The following ZNF121 variants were observed in gnomAD, a reference collection of about 807,000 sequenced individuals.
ZNF121 encodes zinc finger protein 121 (clone ZHC32).
ZNF121 carries 1 observed loss-of-function variant against 2.4 expected under a neutral mutation model. The ratio of observed to expected loss-of-function variants is 0.41; its 90% CI spans 0.15 to 1.94. The LOEUF (loss-of-function observed/expected upper bound fraction) is 1.94. ZNF121 is among the 30% of genes most tolerant of loss of function. The probability of loss-of-function intolerance (pLI) is 0.30; values close to 1 mark genes in which losing one functional copy is unlikely to be tolerated. For synonymous variants in ZNF121, 173 were observed against 158.6 expected (o/e 1.09, Z -0.68); for missense variants, 369 against 466.3 (o/e 0.79, Z 1.92).
In ZNF121 at chr19:9,561,222, T is replaced by C. The variant is rs1326579243; in HGVS notation, c.*4718A>G. ...AGAAGACCTAAAAGCCAGGGCACTA[T>C]TACCTAGGAACACCTCCCTACACAG... On this transcript the variant is annotated 3_prime_UTR_variant, in exon 4 of 4. Transcript: ENST00000320451. 5.3e-5 allele frequency: 8 copies of C among 152,154 alleles called. No homozygotes were observed. Among genetic ancestry groups the C allele is most frequent in the Non-Finnish European group, 8.8e-5 (6 of 68,014 alleles). 9.4% of individuals were successfully genotyped at this position (152,154 alleles called of 1,614,324 possible).
Position 9,565,373 on chromosome 19 carries a change from A to AAAAAC in ZNF121, c.*566_*567insGTTTT. On this transcript the variant is annotated 3_prime_UTR_variant, in exon 4 of 4. Coordinates refer to ENST00000320451, the MANE Select transcript of ZNF121 (RefSeq NM_001008727.5). ...ACTTACAAAAAAAAAAAAAAAAAAAAAAAAAAAAAAAAAAGGCCAGGAGCA... is the reference window on the plus strand; with the variant it reads ...ACTTACAAAAAAAAAAAAAAAAAAAAAAAACAAAAAAAAAAAAAAGGCCAGGAGCA... 7.0e-6 allele frequency: 1 copy of AAAAAC among 142,506 alleles called. No homozygotes were observed. The highest frequency in any genetic ancestry group is 1.5e-5 in the Non-Finnish European group (1 of 66,596). The allele number at this position is 142,506 out of a possible 1,614,324, so 8.8% of individuals were successfully genotyped here.
chr19:9,571,389 A>C (rs1402935484), intron 1 of ZNF121, among the ~76,000 whole-genome samples: 1 of 152,238 alleles, frequency 6.6e-6, no homozygotes, highest in Non-Finnish European at 1.5e-5. Context: ...CCTGTCACTC[A>C]ATTACCACAC....
At chr19:9,582,732 G>A (rs139653243) in intron 1 of ZNF121, among the ~76,000 whole-genome samples, 2 of 145,152 alleles carry the variant, frequency 1.4e-5, no homozygotes, top group South Asian at 2.2e-4. Flanking sequence ...CCGGGTAGCA[G>A]AGCGAGACTC....
intron 3 of ZNF121, chr19:9,567,505 G>T: frequency 4.4e-6 from 1 of 226,038 alleles, no homozygotes; most frequent in Non-Finnish European, 9.0e-6. Flanking sequence ...TGATTTCGTA[G>T]ATGACAATTT....
intron 1 of ZNF121, 109 bp downstream of exon 1, chr19:9,584,352 G>A (rs1307329075): frequency 6.6e-6 from 1 of 152,278 alleles, no homozygotes; most frequent in African/African-American, 2.4e-5. Flanking sequence ...ACAGCCCCTG[G>A]AGAAGAGAGT....
chr19:9,578,874 A>G (rs2074229730), intron 1 of ZNF121, among the ~76,000 whole-genome samples: 1 of 151,662 alleles, frequency 6.6e-6, no homozygotes, highest in African/African-American at 2.4e-5. Flanking sequence ...CAGCAAAACA[A>G]TCAACAAACT....
intron 3 of ZNF121, chr19:9,567,893 G>A (rs73923637): frequency 0.011 from 5,595 of 497,230 alleles, 240 homozygotes; most frequent in African/African-American, 0.096. Flanking sequence ...ATGAAGTTTC[G>A]TTCATCTGCC....
chr19:9,582,522 C>G (rs536074495), intron 1 of ZNF121, among the ~76,000 whole-genome samples: 1 of 152,010 alleles, frequency 6.6e-6, no homozygotes, highest in South Asian at 2.1e-4. Flanking sequence ...TAAAACTGCC[C>G]GACCCCTATC....
chr19:9,564,469 G>T lies in ZNF121; in HGVS notation c.*1471C>A, dbSNP rs1387276579. The T allele has an allele frequency of 6.6e-6, 1 of 152,114 alleles. No homozygotes were observed. The highest frequency in any genetic ancestry group is 1.5e-5 in the Non-Finnish European group (1 of 68,030). The allele number at this position is 152,114 out of a possible 1,614,324, so 9.4% of individuals were successfully genotyped here. A position where few individuals can be genotyped will look rare whatever the true frequency, so the allele number is the denominator to read the frequency against. ...CCAACCTTCATAGGTGACTCTGAGGGGTTCAAGTCTTCAGTGGAAAAAGTA... is the reference window on the plus strand; with the variant it reads ...CCAACCTTCATAGGTGACTCTGAGGTGTTCAAGTCTTCAGTGGAAAAAGTA... On this transcript the variant is annotated 3_prime_UTR_variant, in exon 4 of 4. Coordinates refer to ENST00000320451, the MANE Select transcript of ZNF121 (RefSeq NM_001008727.5).
At chr19:9,583,130 T>A (rs929395382) in intron 1 of ZNF121, among the ~76,000 whole-genome samples, 22 of 149,156 alleles carry the variant, frequency 1.5e-4, no homozygotes, top group African/African-American at 5.4e-4. Flanking sequence ...GGCAGGAGAA[T>A]CACTTGAACC....
rs1369472195 is a variant in ZNF121, at chr19:9,565,387, A to AAAAAAAAAAT, written c.*552_*553insATTTTTTTTT. On this transcript the variant is annotated 3_prime_UTR_variant, in exon 4 of 4. Coordinates refer to ENST00000320451, the MANE Select transcript of ZNF121 (RefSeq NM_001008727.5). ...AAAAAAAAAAAAAAAAAAAAAAAAA[A>AAAAAAAAAAT]GGCCAGGAGCAGTGGCTCACTCCTA... The AAAAAAAAAAT allele has an allele frequency of 1.6e-4, 23 of 139,770 alleles. No homozygotes were observed. The highest frequency in any genetic ancestry group is 2.8e-4 in the Non-Finnish European group (18 of 64,952). The allele number at this position is 139,770 out of a possible 1,614,324, so 8.7% of individuals were successfully genotyped here. A position where few individuals can be genotyped will look rare whatever the true frequency, so the allele number is the denominator to read the frequency against.
intron 1 of ZNF121, among the ~76,000 whole-genome samples, chr19:9,570,155 G>A (rs1404444642): frequency 3.9e-5 from 6 of 152,036 alleles, no homozygotes; most frequent in Non-Finnish European, 7.4e-5. Flanking sequence ...GCAGTGAGCC[G>A]AGATCATGCC....
At position 9,562,161 on chromosome 19, in the gene ZNF121, A is replaced by AGTTT. The variant is rs762093953; in HGVS notation, c.*3778_*3779insAAAC. 9.3e-6 allele frequency: 1 copy of AGTTT among 108,078 alleles called. No individual in the cohort carries two copies. The highest frequency in any genetic ancestry group is 3.5e-5 in the African/African-American group (1 of 28,200). 6.7% of individuals were successfully genotyped at this position (108,078 alleles called of 1,614,324 possible). On this transcript the variant is annotated 3_prime_UTR_variant, in exon 4 of 4. Transcript: ENST00000320451. ...ATTATACTTACTGTGGTGCTGTGTG[A>AGTTT]TTTTTTTTTTTTTTTTTTTTTGAGA...
chr19:9,567,069 T>G lies in ZNF121; in HGVS notation c.44A>C (p.Glu15Ala). 1 of 1,613,812 alleles carries G rather than the reference T, an allele frequency of 6.2e-7. No homozygotes were observed. The highest frequency in any genetic ancestry group is 8.5e-7 in the Non-Finnish European group (1 of 1,179,926). The change falls in exon 4 of 4, where the codon GAA (glutamate) becomes GCA (alanine). Residue 15 changes from glutamate (E) to alanine (A), a missense_variant. By Grantham distance (107) the Glu-to-Ala change is moderately radical. Coordinates refer to ENST00000320451, the MANE Select transcript of ZNF121 (RefSeq NM_001008727.5). ...GTGTTCACTGAAGATTTCTCCATTT[T>G]CCATAAAGTCACAGAGTTCCCCTCC... ...HNGGELCDFM[E>A]NGEIFSEHSC...
chr19:9,563,293 T>C lies in ZNF121; in HGVS notation c.*2647A>G, dbSNP rs2074111521. On this transcript the variant is annotated 3_prime_UTR_variant, in exon 4 of 4. Transcript: ENST00000320451. ...CAAAACCTAATCCAGAGCAAGGCCC[T>C]AACTCTAATTCTATGAAGGCTGAGA... The C allele has an allele frequency of 6.6e-6, 1 of 152,216 alleles. No individual in the cohort carries two copies. Among genetic ancestry groups the C allele is most frequent in the Non-Finnish European group, 1.5e-5 (1 of 68,054 alleles). The allele number at this position is 152,216 out of a possible 1,614,324, so 9.4% of individuals were successfully genotyped here.
Position 9,566,052 on chromosome 19 carries a change from T to C in ZNF121, c.1061A>G (p.His354Arg). 1 of 1,613,716 alleles carries C rather than the reference T, an allele frequency of 6.2e-7. No individual in the cohort carries two copies. The highest frequency in any genetic ancestry group is 8.5e-7 in the Non-Finnish European group (1 of 1,179,850). Residue 354 changes from histidine to arginine, a missense_variant, in exon 4 of 4, where the codon CAT becomes CGT. This residue lies in a region of ZNF121 where 127 missense variants were observed against 169.9 expected (regional missense o/e 0.75). Coordinates refer to ENST00000320451, the MANE Select transcript of ZNF121 (RefSeq NM_001008727.5). The part of the protein sequence containing the change: ...ECGKTFRASS[H>R]LQKHVRIHTG... ...GTGAATTCTAACATGTTTCTGTAGATGTGAAGAAGCACGGAAGGTTTTCCC... is the reference window on the plus strand; with the variant it reads ...GTGAATTCTAACATGTTTCTGTAGACGTGAAGAAGCACGGAAGGTTTTCCC...
intron 1 of ZNF121, among the ~76,000 whole-genome samples, chr19:9,580,488 G>GAA (rs61312088): frequency 2.3e-5 from 3 of 131,870 alleles, no homozygotes; most frequent in Non-Finnish European, 5.1e-5. Context: ...ACTCAAAAAA[G>GAA]AAAAAAAAAA....
At chr19:9,570,189 G>A (rs1430847338) in intron 1 of ZNF121, among the ~76,000 whole-genome samples, 1 of 152,070 alleles carries the variant, frequency 6.6e-6, no homozygotes, top group Non-Finnish European at 1.5e-5. Context: ...CTGGGCAACA[G>A]AGCAAGATTC....
intron 1 of ZNF121, among the ~76,000 whole-genome samples, chr19:9,575,978 CAGA>C (rs1568214192): frequency 2.0e-5 from 3 of 152,042 alleles, no homozygotes; most frequent in Non-Finnish European, 4.4e-5. Flanking sequence ...CAAAGAAACA[CAGA>C]AGAAGTTAAG....
Sources: allele counts gnomAD v4.1 joint callset (sites outside exome capture counted in the v4.1 genomes callset), GRCh38; gene constraint gnomAD v4.1.1; regional missense constraint gnomAD v4.1.1; transcripts MANE v1.5; gene names NCBI Gene and HGNC (gene_info 2026-07-23, HGNC 2026-07-21).